Variants in SDK1 observed in about 807,000 individuals in gnomAD.
SDK1 encodes the protein protein sidekick-1.
In SDK1, 157 loss-of-function variants were observed where a neutral mutation model predicts 245.5. That is an observed-to-expected ratio of 0.64 (90% CI 0.56 to 0.73). The LOEUF is 0.73. Ranked by LOEUF, SDK1 falls within the 30% of genes least tolerant of loss-of-function variation. The pLI is 0.00. For missense variants in SDK1, 3,583 were observed against 3,002.3 expected (o/e 1.19, Z -4.52); for synonymous variants, 1,647 against 1,278.5 (o/e 1.29, Z -6.15).
chr7:3,694,038 G>A (rs17133677), intron 4 of SDK1, among the ~76,000 whole-genome samples: 16,529 of 152,122 alleles, frequency 0.11, 1,333 homozygotes, highest in East Asian at 0.4. Flanking sequence ...TCTTTCTTGG[G>A]AGTATTTGTC....
chr7:3,918,499 G>T (rs578153198), intron 5 of SDK1, among the ~76,000 whole-genome samples: 1 of 152,138 alleles, frequency 6.6e-6, no homozygotes, highest in Non-Finnish European at 1.5e-5. Flanking sequence ...CATCACCCCC[G>T]GATAGGACCG....
At chr7:3,495,778 C>T (rs1437367506) in intron 1 of SDK1, among the ~76,000 whole-genome samples, 1 of 152,230 alleles carries the variant, frequency 6.6e-6, no homozygotes, top group Admixed American at 6.5e-5. Context: ...CTCGTGGACC[C>T]AGTTCTACCA....
chr7:3,705,596 T>A (rs754984535), intron 4 of SDK1, among the ~76,000 whole-genome samples: 1 of 152,074 alleles, frequency 6.6e-6, no homozygotes, highest in Non-Finnish European at 1.5e-5. Flanking sequence ...TTGGTATACA[T>A]TGATTTTTGT....
In SDK1 at chr7:4,267,474, A is replaced by T. The variant is rs1333901459; in HGVS notation, c.*2090A>T. ...CCCCGGATGAGACTCACCACAGTGGACAGTGCCACCTCCTTCCCCTCGGCC... is the reference window on the plus strand; with the variant it reads ...CCCCGGATGAGACTCACCACAGTGGTCAGTGCCACCTCCTTCCCCTCGGCC... On this transcript the variant is annotated 3_prime_UTR_variant, in exon 45 of 45. Transcript: ENST00000404826. 1.0e-6 allele frequency: 1 copy of T among 985,390 alleles called. No individual in the cohort carries two copies. Among genetic ancestry groups the T allele is most frequent in the Admixed American group, 6.1e-5 (1 of 16,280 alleles). The allele number at this position is 985,390 out of a possible 1,614,324, so 61.0% of individuals were successfully genotyped here.
chr7:3,699,737 A>C (rs1303480454), intron 4 of SDK1, among the ~76,000 whole-genome samples: 1 of 152,220 alleles, frequency 6.6e-6, no homozygotes, highest in African/African-American at 2.4e-5. Flanking sequence ...AATAATGGTT[A>C]AAGATTTCCT....
At chr7:3,314,458 A>G (rs1384584746) in intron 1 of SDK1, among the ~76,000 whole-genome samples, 1 of 152,222 alleles carries the variant, frequency 6.6e-6, no homozygotes, top group Non-Finnish European at 1.5e-5. Flanking sequence ...AGCACTGTTC[A>G]GAGCTGAGAT....
intron 1 of SDK1, among the ~76,000 whole-genome samples, chr7:3,420,848 C>A (rs745788696): frequency 1.3e-5 from 2 of 152,036 alleles, no homozygotes; most frequent in Non-Finnish European, 2.9e-5. Context: ...ACCGATTAAC[C>A]CATCACCAAG....
At chr7:3,779,230 G>A (rs1402435147) in intron 4 of SDK1, among the ~76,000 whole-genome samples, 1 of 152,148 alleles carries the variant, frequency 6.6e-6, no homozygotes, top group Non-Finnish European at 1.5e-5. Context: ...AGCTGGAGTT[G>A]GCCAACTTGT....
At chr7:4,106,785 G>C (rs759912321) in intron 22 of SDK1, among the ~76,000 whole-genome samples, 2 of 151,980 alleles carry the variant, frequency 1.3e-5, no homozygotes, top group African/African-American at 4.8e-5. Flanking sequence ...GTTCTCTTTC[G>C]TTCCTCTTGG....
intron 20 of SDK1, among the ~76,000 whole-genome samples, chr7:4,070,732 T>G (rs796200146): frequency 6.6e-6 from 1 of 150,484 alleles, no homozygotes; most frequent in South Asian, 2.1e-4. Flanking sequence ...TTTTTTGAGA[T>G]GGAGTCTCAC....
intron 25 of SDK1, among the ~76,000 whole-genome samples, chr7:4,123,265 G>A (rs1418041674): frequency 6.6e-6 from 1 of 152,118 alleles, no homozygotes; most frequent in Non-Finnish European, 1.5e-5. Context: ...CCAACGTCTT[G>A]GGCATACAGT....
intron 4 of SDK1, among the ~76,000 whole-genome samples, chr7:3,712,065 C>G (rs1452905899): frequency 6.6e-6 from 1 of 152,190 alleles, no homozygotes; most frequent in East Asian, 1.9e-4. Flanking sequence ...AGCAAATGCT[C>G]TACAGCAGAG....
intron 5 of SDK1, among the ~76,000 whole-genome samples, chr7:3,938,125 C>T (rs1424778222): frequency 1.3e-5 from 2 of 152,202 alleles, no homozygotes; most frequent in Non-Finnish European, 2.9e-5. Flanking sequence ...GCATAAGCTA[C>T]CGCACCTGGC....
At chr7:3,659,097 C>G (rs1212917076) in intron 4 of SDK1, among the ~76,000 whole-genome samples, 1 of 152,178 alleles carries the variant, frequency 6.6e-6, no homozygotes, top group Non-Finnish European at 1.5e-5. Context: ...CTTAAATAGC[C>G]TTTACCCAGT....
At chr7:3,821,789 G>C (rs1323362133) in intron 5 of SDK1, among the ~76,000 whole-genome samples, 2 of 152,000 alleles carry the variant, frequency 1.3e-5, no homozygotes, top group African/African-American at 2.4e-5. Context: ...GTGAATCTCA[G>C]TGGTACTTCT....
chr7:3,913,209 T>C (rs1190336946), intron 5 of SDK1, among the ~76,000 whole-genome samples: 1 of 151,992 alleles, frequency 6.6e-6, no homozygotes, highest in Non-Finnish European at 1.5e-5. Flanking sequence ...GCGCTAAGCG[T>C]ACCTGGTTCT....
intron 4 of SDK1, among the ~76,000 whole-genome samples, chr7:3,655,481 A>ATATATATATATATATG (rs1783146629): frequency 2.6e-5 from 2 of 76,280 alleles, no homozygotes; most frequent in African/African-American, 9.3e-5. Flanking sequence ...ATATATATAT[A>ATATATATATATATATG]TATATATATA....
At chr7:3,768,166 T>C (rs192717482) in intron 4 of SDK1, among the ~76,000 whole-genome samples, 6 of 152,222 alleles carry the variant, frequency 3.9e-5, no homozygotes, top group African/African-American at 1.4e-4. Context: ...CAACCAGCTT[T>C]CTAATTGCAT....
At chr7:4,262,717 T>A (rs1262154030) in intron 44 of SDK1, among the ~76,000 whole-genome samples, 7 of 48,594 alleles carry the variant, frequency 1.4e-4, no homozygotes, top group Non-Finnish European at 2.7e-4. Flanking sequence ...ACCTCCCCCA[T>A]CCCCTCCCTT....
Sources: allele counts gnomAD v4.1 joint callset (sites outside exome capture counted in the v4.1 genomes callset), GRCh38; gene constraint gnomAD v4.1.1; transcripts MANE v1.5; gene names NCBI Gene and HGNC (gene_info 2026-07-23, HGNC 2026-07-21).